The following ADGRL3 variants were observed in gnomAD, a reference collection of about 807,000 sequenced individuals.
ADGRL3 encodes the protein adhesion G protein-coupled receptor L3.
A neutral mutation model predicts 153.5 loss-of-function variants in ADGRL3; 62 were observed. The ratio of observed to expected loss-of-function variants is 0.40; its 90% CI spans 0.33 to 0.50. The LOEUF (loss-of-function observed/expected upper bound fraction) is 0.50. Among genes scored for constraint, ADGRL3 ranks in the 20% least tolerant of loss-of-function variants. The pLI, the probability that ADGRL3 is intolerant of heterozygous loss-of-function variation, is 0.47. For synonymous variants in ADGRL3, 710 were observed against 672.5 expected (o/e 1.06, Z -0.86); for missense variants, 1,641 against 1,859.4 (o/e 0.88, Z 2.16).
At chr4:62,025,708 T>C (rs1032526191) in intron 21 of ADGRL3, among the ~76,000 whole-genome samples, 1 of 152,186 alleles carries the variant, frequency 6.6e-6, no homozygotes, top group Non-Finnish European at 1.5e-5. Context: ...AAGTCACTAC[T>C]TATAAATGAT....
intron 5 of ADGRL3, among the ~76,000 whole-genome samples, chr4:61,618,266 T>G (rs963720260): frequency 1.3e-5 from 2 of 152,234 alleles, no homozygotes; most frequent in South Asian, 2.1e-4. Flanking sequence ...ATGTTTTATC[T>G]TTTTATCTAG....
At chr4:61,569,759 A>G (rs570788496) in intron 4 of ADGRL3, among the ~76,000 whole-genome samples, 3 of 152,196 alleles carry the variant, frequency 2.0e-5, no homozygotes, top group African/African-American at 4.8e-5. Flanking sequence ...CTGTACTTCA[A>G]TCCTTTTTTT....
intron 8 of ADGRL3, among the ~76,000 whole-genome samples, chr4:61,792,489 T>TTTA (rs2097354859): frequency 3.6e-5 from 4 of 111,762 alleles, no homozygotes; most frequent in African/African-American, 1.9e-4. Flanking sequence ...TATTTATTTA[T>TTTA]TTTATTATTT....
intron 2 of ADGRL3, among the ~76,000 whole-genome samples, chr4:61,432,655 T>TTTCTTTCTCTTCC (rs1553928415): frequency 1.7e-5 from 1 of 58,746 alleles, no homozygotes; most frequent in Admixed American, 1.9e-4. Flanking sequence ...TCTTTCTTTC[T>TTTCTTTCTCTTCC]TTTTTTTTTT....
At chr4:61,349,596 G>A (rs542390439) in intron 1 of ADGRL3, among the ~76,000 whole-genome samples, 2 of 151,768 alleles carry the variant, frequency 1.3e-5, no homozygotes, top group Admixed American at 1.3e-4. Flanking sequence ...TTACATGTAA[G>A]ACTTTAGCTG....
rs145518576 is a variant in ADGRL3 at position 62,005,749 on chromosome 4, G to T, written c.3395+7484G>T. Among the ~76,000 whole-genome samples the T allele has an allele frequency of 5.1e-3, 766 of 151,578 alleles. 6 individuals carry two copies. The highest frequency in any genetic ancestry group is 0.018 in the African/African-American group (737 of 41,382). ...TGAAGAGTAAGATTTCATAAGAGTA[G>T]AATAAATCAGAGAATAGTTACAATA... On this transcript the variant is annotated intron_variant, in intron 21 of 26. Coordinates refer to ENST00000683033, the MANE Select transcript of ADGRL3 (RefSeq NM_001387552.1).
chr4:61,288,856 G>A (rs192881469), intron 1 of ADGRL3, among the ~76,000 whole-genome samples: 6 of 151,962 alleles, frequency 3.9e-5, no homozygotes, highest in Non-Finnish European at 8.8e-5. Context: ...AAATTTTTAG[G>A]ACAGTGCCAT....
intron 4 of ADGRL3, among the ~76,000 whole-genome samples, chr4:61,575,297 A>G (rs979980531): frequency 5.3e-5 from 8 of 152,016 alleles, no homozygotes; most frequent in East Asian, 1.9e-4. Context: ...TTTGAATAAC[A>G]TAGAGAACAG....
At chr4:61,569,004 G>T (rs2098827742) in intron 4 of ADGRL3, among the ~76,000 whole-genome samples, 1 of 152,128 alleles carries the variant, frequency 6.6e-6, no homozygotes, top group African/African-American at 2.4e-5. Flanking sequence ...GAATAGAACA[G>T]AGTGAATCTC....
In ADGRL3 at chr4:61,498,045, T is replaced by G. The variant is rs912445415; in HGVS notation, c.55+697T>G. On this transcript the variant is annotated intron_variant, in intron 3 of 26. Transcript: ENST00000683033. Reference sequence around the variant, plus strand: ...TTCATACTTAAAAAAACATTTTTAATGTAGTAAATTTGGGCATTTGAAAGA... The same window carrying G: ...TTCATACTTAAAAAAACATTTTTAAGGTAGTAAATTTGGGCATTTGAAAGA... Among the ~76,000 whole-genome samples the G allele has an allele frequency of 4.6e-5, 7 of 152,198 alleles. No homozygotes were observed. In the South Asian group the frequency reaches 1.4e-3, roughly 32 times the overall value.
At chr4:61,849,517 G>A (rs924975534) in intron 9 of ADGRL3, among the ~76,000 whole-genome samples, 1 of 151,826 alleles carries the variant, frequency 6.6e-6, no homozygotes, top group South Asian at 2.1e-4. Context: ...TCAAAAACTG[G>A]ATCCATTTTC....
At chr4:61,538,798 T>C (rs968789718) in intron 4 of ADGRL3, among the ~76,000 whole-genome samples, 1 of 152,134 alleles carries the variant, frequency 6.6e-6, no homozygotes, top group Admixed American at 6.5e-5. Flanking sequence ...TAGATGGGCA[T>C]GTGCCTTTGG....
At chr4:61,928,282 T>C (rs185453226) in intron 13 of ADGRL3, among the ~76,000 whole-genome samples, 234 of 152,288 alleles carry the variant, frequency 1.5e-3, no homozygotes, top group Admixed American at 6.1e-3. Context: ...TTTTTTATTT[T>C]ACCATCATCA....
intron 4 of ADGRL3, among the ~76,000 whole-genome samples, chr4:61,533,571 T>G (rs1257988574): frequency 6.6e-6 from 1 of 152,190 alleles, no homozygotes; most frequent in Non-Finnish European, 1.5e-5. Context: ...CTAAATAAAT[T>G]TCAGAGATCC....
chr4:61,252,186 A>G (rs1759559619), intron 1 of ADGRL3, among the ~76,000 whole-genome samples: 1 of 152,108 alleles, frequency 6.6e-6, no homozygotes, highest in African/African-American at 2.4e-5. Context: ...CCCAGCCCCT[A>G]TGATTCTTAT....
At chr4:61,744,492 C>G (rs113407922) in intron 8 of ADGRL3, among the ~76,000 whole-genome samples, 13,174 of 152,066 alleles carry the variant, frequency 0.087, 1,209 homozygotes, top group African/African-American at 0.23. Flanking sequence ...CACCTCACAC[C>G]GCCGGGTACT....
intron 4 of ADGRL3, among the ~76,000 whole-genome samples, chr4:61,543,542 G>A (rs764326155): frequency 6.6e-6 from 1 of 152,142 alleles, no homozygotes; most frequent in Non-Finnish European, 1.5e-5. Context: ...TAAAATTTGT[G>A]TTGTAGTAAG....
In ADGRL3 at chr4:62,071,762, A is replaced by G. The variant is rs1418205316; in HGVS notation, c.*854A>G. 3 of 399,698 alleles carry G rather than the reference A, an allele frequency of 7.5e-6. No homozygotes were observed. Among genetic ancestry groups the G allele is most frequent in the South Asian group, 1.9e-5 (1 of 52,998 alleles). The allele number at this position is 399,698 out of a possible 1,614,324, so 24.8% of individuals were successfully genotyped here. ...TTTCTTTTTTTCTTTTTTGCCTTTT[A>G]TTCCTTTAAAATTTCGCCTGGCAAA... is the stretch of plus-strand genomic sequence containing the variant. On this transcript the variant is annotated 3_prime_UTR_variant, in exon 27 of 27. Transcript: ENST00000683033.
At chr4:62,051,266 C>G (rs1048816960) in intron 25 of ADGRL3, among the ~76,000 whole-genome samples, 9 of 149,528 alleles carry the variant, frequency 6.0e-5, no homozygotes, top group South Asian at 2.1e-4. Context: ...AATAAAGAAG[C>G]CTGTGTTAGG....
Sources: allele counts gnomAD v4.1 joint callset (sites outside exome capture counted in the v4.1 genomes callset), GRCh38; gene constraint gnomAD v4.1.1; transcripts MANE v1.5; gene names NCBI Gene and HGNC (gene_info 2026-07-23, HGNC 2026-07-21).